RYR2: variants seen among roughly 807,000 people sequenced by gnomAD.
RYR2 encodes cardiac muscle ryanodine receptor-calcium release channel.
RYR2 carries 227 observed loss-of-function variants against 601.1 expected under a neutral mutation model. The ratio of observed to expected loss-of-function variants is 0.38; its 90% CI spans 0.34 to 0.42. RYR2 has a LOEUF of 0.42. RYR2 is among the 10% of genes least tolerant of loss of function. The pLI is 1.00. For missense variants in RYR2, 4,646 were observed against 6,156.5 expected, an observed-to-expected ratio of 0.75 and a Z score of 8.21; for synonymous variants, 2,223 against 2,175.1, an observed-to-expected ratio of 1.02 and a Z score of -0.61.
intron 1 of RYR2, among the ~76,000 whole-genome samples, chr1:237,051,916 C>T (rs1198087370): frequency 1.3e-5 from 2 of 152,146 alleles, no homozygotes; most frequent in African/African-American, 4.8e-5. Flanking sequence ...TGCCCTGCTT[C>T]TACCTGCAGG....
At position 237,369,842 on chromosome 1, in the gene RYR2, A is replaced by G. The variant is rs139902712; in HGVS notation, c.384+234A>G. ...ATATGATTACCATCTTCAGTATCTT[A>G]CTTTTGATAGAGTAGTTTTAGGAGG... On this transcript the variant is annotated intron_variant, in intron 6 of 104. Coordinates refer to ENST00000366574, the MANE Select transcript of RYR2 (RefSeq NM_001035.3). Among the ~76,000 whole-genome samples the G allele has an allele frequency of 2.6e-5, 4 of 152,030 alleles. No individual in the cohort carries two copies. In the East Asian group the frequency reaches 7.7e-4, roughly 29 times the overall value.
chr1:237,290,003 G>A (rs1405383140), intron 2 of RYR2, among the ~76,000 whole-genome samples: 18 of 152,154 alleles, frequency 1.2e-4, no homozygotes, highest in Admixed American at 1.1e-3. Context: ...TTCAGCATGA[G>A]TTTACAATAC....
intron 17 of RYR2, among the ~76,000 whole-genome samples, chr1:237,471,625 TGG>T (rs1660733374): frequency 6.6e-6 from 1 of 151,704 alleles, no homozygotes; most frequent in Non-Finnish European, 1.5e-5. Flanking sequence ...AATGCTTAAC[TGG>T]AAAACAGAGA....
chr1:237,138,341 T>C (rs992895154), intron 1 of RYR2, among the ~76,000 whole-genome samples: 4 of 152,152 alleles, frequency 2.6e-5, no homozygotes, highest in African/African-American at 9.7e-5. Context: ...CCTGGATATA[T>C]TTTAAAATGC....
At chr1:237,554,228 C>CT (rs905201900) in intron 27 of RYR2, among the ~76,000 whole-genome samples, 9 of 151,764 alleles carry the variant, frequency 5.9e-5, no homozygotes, top group African/African-American at 2.2e-4. Context: ...TTGTCCAGTG[C>CT]TTTTTTCCCC....
intron 29 of RYR2, among the ~76,000 whole-genome samples, chr1:237,569,758 G>A (rs1445026508): frequency 6.6e-6 from 1 of 152,174 alleles, no homozygotes; most frequent in East Asian, 1.9e-4. Context: ...TCCTATCTTT[G>A]TATAGATTAC....
At chr1:237,769,708 G>A (rs1257613562) in intron 84 of RYR2, among the ~76,000 whole-genome samples, 1 of 149,240 alleles carries the variant, frequency 6.7e-6, no homozygotes, top group Admixed American at 6.7e-5. Flanking sequence ...TTTCTCAGCC[G>A]AAAGTATTTA....
chr1:237,480,774 T>C (rs1372447119), intron 17 of RYR2, among the ~76,000 whole-genome samples: 1 of 152,172 alleles, frequency 6.6e-6, no homozygotes, highest in Admixed American at 6.5e-5. Context: ...TGGTCCATCA[T>C]TTTTGTTTGT....
intron 10 of RYR2, among the ~76,000 whole-genome samples, chr1:237,400,272 A>C (rs1703229191): frequency 6.6e-6 from 1 of 152,214 alleles, no homozygotes; most frequent in African/African-American, 2.4e-5. Context: ...CAAAGAGCAA[A>C]GATTTCTGGG....
chr1:237,595,361 C>T (rs990686328), intron 33 of RYR2, 137 bp from the exon 34 acceptor site: 62 of 907,512 alleles, frequency 6.8e-5, no homozygotes, highest in South Asian at 1.9e-4. Context: ...ATCACAGAAT[C>T]GGGCCTATTG....
chr1:237,107,113 T>C (rs1668768891), intron 1 of RYR2, among the ~76,000 whole-genome samples: 1 of 152,172 alleles, frequency 6.6e-6, no homozygotes, highest in Non-Finnish European at 1.5e-5. Context: ...AAAAGTCTTA[T>C]AAGCATTATT....
chr1:237,713,419 C>T (rs12087635), intron 71 of RYR2, among the ~76,000 whole-genome samples: 3,909 of 152,108 alleles, frequency 0.026, 107 homozygotes, highest in East Asian at 0.08. Flanking sequence ...TTTTTTGAGA[C>T]GGAGCCTTGC....
chr1:237,732,001 C>T lies in RYR2; in HGVS notation c.10936-45C>T, dbSNP rs758491334. On this transcript the variant is annotated intron_variant, in intron 77 of 104. Transcript: ENST00000366574. ...CACAGTGCTTTTGGATTTGAGTGAA[C>T]ATTTTTTTTTAATGTGACATTTTAT... 1.0e-5 allele frequency: 13 copies of T among 1,266,626 alleles called. No individual in the cohort carries two copies. In the South Asian group the frequency reaches 1.6e-4, roughly 16 times the overall value. 78.5% of individuals were successfully genotyped at this position (1,266,626 alleles called of 1,614,324 possible).
chr1:237,534,531 G>A (rs1668420593), intron 25 of RYR2, among the ~76,000 whole-genome samples: 1 of 151,970 alleles, frequency 6.6e-6, no homozygotes, highest in South Asian at 2.1e-4. Flanking sequence ...TAGGACATTA[G>A]ACACTGATAT....
intron 25 of RYR2, among the ~76,000 whole-genome samples, chr1:237,534,458 A>G (rs948257092): frequency 2.0e-5 from 3 of 152,060 alleles, no homozygotes; most frequent in Non-Finnish European, 2.9e-5. Context: ...ACACACACCA[A>G]TTAAAAGCTT....
At chr1:237,681,666 G>GTTACTTTCCA (rs1391047362) in intron 62 of RYR2, among the ~76,000 whole-genome samples, 1 of 152,184 alleles carries the variant, frequency 6.6e-6, no homozygotes, top group Non-Finnish European at 1.5e-5. Context: ...GCCACATGGA[G>GTTACTTTCCA]AGAGGCAATG....
chr1:237,052,702 GT>G (rs143198286), intron 1 of RYR2, among the ~76,000 whole-genome samples: 29 of 149,116 alleles, frequency 1.9e-4, no homozygotes, highest in Non-Finnish European at 3.0e-4. Flanking sequence ...CAAGAACAGG[GT>G]TTTTTTTTTC....
At position 237,419,413 on chromosome 1, in the gene RYR2, A is replaced by C. The variant is rs147865719; in HGVS notation, c.848+2290A>C. 8.6e-3 allele frequency among the ~76,000 whole-genome samples: 1,303 copies of C among 152,130 alleles called. 27 individuals are homozygous for C. Among genetic ancestry groups the C allele is most frequent in the African/African-American group, 0.03 (1,251 of 41,518 alleles). ...ATCTAGATTATTCTTCAAACTTCTG[A>C]ATTAAGTAGTCTTGATCCTGTCTCT... On this transcript the variant is annotated intron_variant, in intron 11 of 104. Coordinates refer to ENST00000366574, the MANE Select transcript of RYR2 (RefSeq NM_001035.3).
intron 30 of RYR2, among the ~76,000 whole-genome samples, chr1:237,590,206 C>CT (rs11307093): frequency 8.1e-5 from 12 of 147,652 alleles, no homozygotes; most frequent in African/African-American, 3.0e-4. Flanking sequence ...GCTTTCAATT[C>CT]TTTTTTTTTT....
Sources: allele counts gnomAD v4.1 joint callset (sites outside exome capture counted in the v4.1 genomes callset), GRCh38; gene constraint gnomAD v4.1.1; transcripts MANE v1.5; gene names NCBI Gene and HGNC (gene_info 2026-07-23, HGNC 2026-07-21).